Variants in PLEKHG1 observed in about 807,000 individuals in gnomAD.
PLEKHG1 encodes the protein pleckstrin homology domain-containing family G member 1.
In PLEKHG1, 44 loss-of-function variants were observed where a neutral mutation model predicts 100.8. The observed-to-expected ratio is 0.44, with a 90% CI of 0.34 to 0.56. The LOEUF (loss-of-function observed/expected upper bound fraction) is 0.56, where lower values mean the gene tolerates loss of function less well. Among genes scored for constraint, PLEKHG1 ranks in the 20% least tolerant of loss-of-function variants. The pLI, the probability that PLEKHG1 is intolerant of heterozygous loss-of-function variation, is 0.01. For synonymous variants in PLEKHG1, 640 were observed against 662.5 expected, an observed-to-expected ratio of 0.97 and a Z score of 0.52; for missense variants, 1,545 against 1,720.9, an observed-to-expected ratio of 0.90 and a Z score of 1.81.
At chr6:150,745,071 G>T (rs1412712676) in intron 2 of PLEKHG1, among the ~76,000 whole-genome samples, 1 of 152,180 alleles carries the variant, frequency 6.6e-6, no homozygotes, top group African/African-American at 2.4e-5. Flanking sequence ...TGTGTTCTGA[G>T]AAATGTCAGG....
At chr6:150,681,325 A>G (rs576442799) in intron 3 of PLEKHG1, among the ~76,000 whole-genome samples, 1 of 151,790 alleles carries the variant, frequency 6.6e-6, no homozygotes, top group Admixed American at 6.6e-5. Flanking sequence ...CATCCTGACC[A>G]ACATGGTGAA....
intron 2 of PLEKHG1, among the ~76,000 whole-genome samples, chr6:150,736,106 A>G (rs1238272475): frequency 6.6e-6 from 1 of 152,216 alleles, no homozygotes; most frequent in Non-Finnish European, 1.5e-5. Flanking sequence ...CTTGGTCACA[A>G]CTGATGAACT....
chr6:150,696,597 A>G (rs9322272), intron 3 of PLEKHG1, among the ~76,000 whole-genome samples: 69,006 of 151,948 alleles, frequency 0.45, 15,967 homozygotes, highest in Non-Finnish European at 0.5. Context: ...TAACAACAGC[A>G]GCTCCATGCA....
intron 1 of PLEKHG1, among the ~76,000 whole-genome samples, chr6:150,621,563 C>T (rs180841951): frequency 2.0e-5 from 3 of 152,090 alleles, no homozygotes; most frequent in East Asian, 3.9e-4. Context: ...TTAGTAGAGT[C>T]GGGGTTTCAC....
chr6:150,699,336 C>T (rs1477678809), intron 3 of PLEKHG1, among the ~76,000 whole-genome samples: 1 of 152,232 alleles, frequency 6.6e-6, no homozygotes, highest in Non-Finnish European at 1.5e-5. Flanking sequence ...AGAAAAGACA[C>T]TCTGATTCAA....
intron 2 of PLEKHG1, among the ~76,000 whole-genome samples, chr6:150,736,502 C>T (rs967167027): frequency 4.6e-5 from 7 of 152,216 alleles, no homozygotes; most frequent in African/African-American, 7.2e-5. Context: ...AATGCGGTGG[C>T]TTATGCCTGT....
intron 1 of PLEKHG1, among the ~76,000 whole-genome samples, chr6:150,636,092 A>G (rs1222379472): frequency 6.6e-6 from 1 of 152,182 alleles, no homozygotes; most frequent in Admixed American, 6.5e-5. Flanking sequence ...TCCTGTGCAA[A>G]TAACTGTGGA....
At chr6:150,611,824 AAAAG>A (rs1275124906) in intron 1 of PLEKHG1, among the ~76,000 whole-genome samples, 2 of 151,966 alleles carry the variant, frequency 1.3e-5, no homozygotes, top group African/African-American at 2.4e-5. Flanking sequence ...AAAAAAAAAA[AAAAG>A]AAAGAAAATA....
chr6:150,673,358 A>T (rs1392451273), intron 3 of PLEKHG1, among the ~76,000 whole-genome samples: 1 of 152,230 alleles, frequency 6.6e-6, no homozygotes, highest in Non-Finnish European at 1.5e-5. Context: ...GCCATAGCTA[A>T]CTCAGCCCCC....
chr6:150,786,312 T>A, intron 3 of PLEKHG1, 78 bp from the exon 5 acceptor site: 2 of 946,002 alleles, frequency 2.1e-6, no homozygotes, highest in Non-Finnish European at 3.4e-6. Flanking sequence ...TGGAAATGTT[T>A]AAACTTTTAA....
At position 150,831,015 on chromosome 6, in the gene PLEKHG1, C is replaced by G; in HGVS notation, c.1904C>G (p.Pro635Arg). 6.2e-7 allele frequency: 1 copy of G among 1,613,934 alleles called. No individual in the cohort carries two copies. The highest frequency in any genetic ancestry group is 1.3e-5 in the African/African-American group (1 of 74,988). ...AGAACTAGGGAACTGCAGAACAGCC[C>G]CAAAACAGAAGGGCAGGAGGAGATG... Residue 635 changes from proline (P) to arginine (R), a missense_variant, in exon 15 of 16, where the codon CCC becomes CGC. Pro to Arg is a moderately radical substitution (Grantham distance 103, BLOSUM62 -2). Transcript: ENST00000358517. The surrounding 1 kb of genome is among the most constrained non-coding windows in gnomAD (Gnocchi z 4.1).
At chr6:150,687,504 G>T (rs1181801506) in intron 3 of PLEKHG1, among the ~76,000 whole-genome samples, 1 of 152,144 alleles carries the variant, frequency 6.6e-6, no homozygotes, top group Admixed American at 6.5e-5. Flanking sequence ...TTAGTTCAAA[G>T]GGTTATTATG....
chr6:150,758,657 G>A (rs945229846), intron 2 of PLEKHG1, among the ~76,000 whole-genome samples: 7 of 152,138 alleles, frequency 4.6e-5, no homozygotes, highest in Admixed American at 3.9e-4. Flanking sequence ...TTTAACAATC[G>A]TCATTCTGAC....
intron 3 of PLEKHG1, among the ~76,000 whole-genome samples, chr6:150,785,698 C>T (rs1785584454): frequency 6.6e-6 from 1 of 152,018 alleles, no homozygotes; most frequent in Admixed American, 6.6e-5. Flanking sequence ...AAGACCAGAG[C>T]CATGGAGTCC....
chr6:150,627,573 G>A (rs1777558853), intron 1 of PLEKHG1, among the ~76,000 whole-genome samples: 1 of 151,976 alleles, frequency 6.6e-6, no homozygotes, highest in Non-Finnish European at 1.5e-5. Flanking sequence ...TTTCTTCTGG[G>A]AAACTGCACT....
chr6:150,707,051 C>T (rs1781052825), intron 3 of PLEKHG1, among the ~76,000 whole-genome samples: 1 of 127,364 alleles, frequency 7.9e-6, no homozygotes, highest in Non-Finnish European at 1.6e-5. Flanking sequence ...TCACCCAGGG[C>T]TGGAGTGCAG....
intron 4 of PLEKHG1, among the ~76,000 whole-genome samples, chr6:150,794,421 T>G (rs1004554487): frequency 4.3e-4 from 66 of 152,172 alleles, no homozygotes; most frequent in African/African-American, 1.6e-3. Context: ...ATCCCAACAC[T>G]TTGAGAGGCC....
intron 3 of PLEKHG1, among the ~76,000 whole-genome samples, chr6:150,700,971 T>C (rs1220711249): frequency 0.033 from 5,094 of 152,232 alleles, 270 homozygotes; most frequent in African/African-American, 0.12. Flanking sequence ...TTGGGTTATA[T>C]ATTAAAAATG....
chr6:150,788,846 GGAGT>G (rs1256621247), intron 4 of PLEKHG1, among the ~76,000 whole-genome samples: 3 of 151,986 alleles, frequency 2.0e-5, no homozygotes, highest in Non-Finnish European at 4.4e-5. Flanking sequence ...TAGAGCCCAG[GGAGT>G]GAGTGTGTGT....
Sources: allele counts gnomAD v4.1 joint callset (sites outside exome capture counted in the v4.1 genomes callset), GRCh38; gene constraint gnomAD v4.1.1; non-coding constraint Gnocchi (gnomAD v3.1); transcripts MANE v1.5; gene names NCBI Gene and HGNC (gene_info 2026-07-23, HGNC 2026-07-21).